TRNAU1AP: variants seen among roughly 807,000 people sequenced by gnomAD.
TRNAU1AP encodes tRNA selenocysteine 1-associated protein 1.
In TRNAU1AP, 33 loss-of-function variants were observed where a neutral mutation model predicts 43.3. The observed-to-expected ratio is 0.76, with a 90% CI of 0.58 to 1.02. The LOEUF is 1.02. Among genes scored for constraint, TRNAU1AP ranks in the 50% least tolerant of loss-of-function variants. The pLI, the probability that TRNAU1AP is intolerant of heterozygous loss-of-function variation, is 0.00. For missense variants in TRNAU1AP, 290 were observed against 362.7 expected (o/e 0.80, Z 1.63); for synonymous variants, 143 against 129.1 (o/e 1.11, Z -0.73).
Position 28,578,364 on chromosome 1 carries a change from C to T in TRNAU1AP, c.*728C>T, listed in dbSNP as rs1665859960. 1.6e-5 allele frequency: 3 copies of T among 182,432 alleles called. No individual in the cohort carries two copies. Among genetic ancestry groups the T allele is most frequent in the South Asian group, 1.1e-4 (1 of 9,518 alleles). 11.3% of individuals were successfully genotyped at this position (182,432 alleles called of 1,614,324 possible). ...TTCCCAAGTAAATGGGGAAACTGTC[C>T]AACCTTGTCATGTGTTGGGACTTAC... On this transcript the variant is annotated 3_prime_UTR_variant, in exon 9 of 9. Transcript: ENST00000373830.
In TRNAU1AP at chr1:28,571,268, G is replaced by A. The variant is rs1240670519; in HGVS notation, c.623G>A (p.Gly208Asp). Residue 208 changes from glycine (G) to aspartate (D), a missense_variant, in exon 7 of 9, where the codon GGC becomes GAC. By Grantham distance (94) the Gly-to-Asp change is moderately conservative (BLOSUM62 -1). Coordinates refer to ENST00000373830, the MANE Select transcript of TRNAU1AP (RefSeq NM_017846.5). ...TACCAGAACTACTATGCTCAGTGGG[G>A]CTATGACCAGAACACAGGCAGCTAC... is the stretch of plus-strand genomic sequence containing the variant. ...QQYQNYYAQW[G>D]YDQNTGSYSY... 2 of 1,614,026 alleles carry A rather than the reference G, an allele frequency of 1.2e-6. No individual in the cohort carries two copies. The highest frequency in any genetic ancestry group is 1.7e-6 in the Non-Finnish European group (2 of 1,179,944).
At chr1:28,571,126 G>A (rs760351141) in intron 6 of TRNAU1AP, 50 bp from the exon 7 acceptor site, 3 of 1,583,568 alleles carry the variant, frequency 1.9e-6, no homozygotes, top group Admixed American at 1.7e-5. Context: ...CATAGGCAGT[G>A]TTACGGAAAT....
chr1:28,570,975 G>C lies in TRNAU1AP; in HGVS notation c.531-201G>C, dbSNP rs2124211819. Among the ~76,000 whole-genome samples, 2 of 152,170 alleles carry C rather than the reference G, an allele frequency of 1.3e-5. 1 individual carries two copies. Among genetic ancestry groups the C allele is most frequent in the South Asian group, 4.2e-4 (2 of 4,814 alleles). On this transcript the variant is annotated intron_variant, in intron 6 of 8. Transcript: ENST00000373830. ...AGCTACTCAGGAGGCTGAGGCAGGAGAATCGCTTGAACCCGGGAGGCGCAG... is the reference window on the plus strand; with the variant it reads ...AGCTACTCAGGAGGCTGAGGCAGGACAATCGCTTGAACCCGGGAGGCGCAG...
chr1:28,575,227 C>CCTT (rs1665747747), intron 8 of TRNAU1AP, among the ~76,000 whole-genome samples: 1 of 150,324 alleles, frequency 6.7e-6, no homozygotes, highest in Non-Finnish European at 1.5e-5. Context: ...CGATCTCGAC[C>CCTT]CACTGTAACC....
intron 2 of TRNAU1AP, among the ~76,000 whole-genome samples, chr1:28,558,390 T>C (rs565328188): frequency 6.7e-6 from 1 of 149,934 alleles, no homozygotes; most frequent in South Asian, 2.1e-4. Flanking sequence ...AATTTTCGTA[T>C]ATTTTTTTTT....
chr1:28,553,917 G>T, intron 2 of TRNAU1AP, 180 bp downstream of exon 2: 2 of 595,364 alleles, frequency 3.4e-6, no homozygotes, highest in Non-Finnish European at 5.9e-6. Flanking sequence ...GGTAGGACTT[G>T]CCAGGCGTTG....
chr1:28,567,531 A>G, intron 6 of TRNAU1AP, 118 bp downstream of exon 6: 1 of 1,227,458 alleles, frequency 8.1e-7, no homozygotes, highest in Non-Finnish European at 1.1e-6. Flanking sequence ...ATCCAATTCA[A>G]GTCACAAGTA....
intron 6 of TRNAU1AP, among the ~76,000 whole-genome samples, chr1:28,569,174 A>G (rs1665606115): frequency 6.6e-6 from 1 of 152,188 alleles, no homozygotes; most frequent in Admixed American, 6.6e-5. Flanking sequence ...TGTTTAATAC[A>G]TTGAAGATCA....
intron 2 of TRNAU1AP, among the ~76,000 whole-genome samples, chr1:28,556,289 T>G (rs773816479): frequency 9.2e-5 from 14 of 151,774 alleles, no homozygotes; most frequent in Non-Finnish European, 1.8e-4. Context: ...TGGTGAAACC[T>G]TGTCTCTACT....
chr1:28,555,455 A>G (rs1476264418), intron 2 of TRNAU1AP, among the ~76,000 whole-genome samples: 1 of 150,672 alleles, frequency 6.6e-6, no homozygotes, highest in African/African-American at 2.4e-5. Flanking sequence ...TCCTTAGGGA[A>G]TTATCAATTT....
rs938799461 is a variant in TRNAU1AP, at chr1:28,571,293, C to T, written c.648C>T (p.Tyr216=). The T allele has an allele frequency of 1.2e-5, 19 of 1,613,916 alleles. No individual in the cohort carries two copies. The highest frequency in any genetic ancestry group is 1.5e-5 in the Non-Finnish European group (18 of 1,179,950). Residue 216 remains tyrosine, a synonymous_variant, in exon 7 of 9, where the codon TAC becomes TAT. Coordinates refer to ENST00000373830, the MANE Select transcript of TRNAU1AP (RefSeq NM_017846.5). ...QWGYDQNTGS[Y]SYSYPQYGYT... ...GCTATGACCAGAACACAGGCAGCTA[C>T]AGCTACAGTTACCCCCAGTATGGCT... is the stretch of plus-strand genomic sequence containing the variant.
chr1:28,576,516 A>C (rs1195768938), intron 8 of TRNAU1AP, among the ~76,000 whole-genome samples: 1 of 150,298 alleles, frequency 6.7e-6, no homozygotes, highest in Non-Finnish European at 1.5e-5. Flanking sequence ...ACGGGGTTTC[A>C]CCATGTTGGC....
Position 28,578,365 on chromosome 1 carries a change from A to G in TRNAU1AP, c.*729A>G, listed in dbSNP as rs1009902949. On this transcript the variant is annotated 3_prime_UTR_variant, in exon 9 of 9. Coordinates refer to ENST00000373830, the MANE Select transcript of TRNAU1AP (RefSeq NM_017846.5). ...TCCCAAGTAAATGGGGAAACTGTCC[A>G]ACCTTGTCATGTGTTGGGACTTACT... is the stretch of plus-strand genomic sequence containing the variant. 2 of 183,858 alleles carry G rather than the reference A, an allele frequency of 1.1e-5. No individual in the cohort carries two copies. Among genetic ancestry groups the G allele is most frequent in the Non-Finnish European group, 2.3e-5 (2 of 87,216 alleles). The allele number at this position is 183,858 out of a possible 1,614,324, so 11.4% of individuals were successfully genotyped here. A position where few individuals can be genotyped will look rare whatever the true frequency, so the allele number is the denominator to read the frequency against.
intron 8 of TRNAU1AP, among the ~76,000 whole-genome samples, chr1:28,574,994 G>A (rs1011392359): frequency 6.6e-6 from 1 of 152,132 alleles, no homozygotes; most frequent in Non-Finnish European, 1.5e-5. Context: ...CAAGTGATCT[G>A]CTGAGGGTCA....
Position 28,577,491 on chromosome 1 carries a change from G to A in TRNAU1AP, c.728-9G>A, listed in dbSNP as rs747923973. 2 of 1,613,368 alleles carry A rather than the reference G, an allele frequency of 1.2e-6. No homozygotes were observed. The highest frequency in any genetic ancestry group is 2.2e-5 in the South Asian group (2 of 91,006). Reference sequence around the variant, plus strand: ...GACTTCCCTGACCCCATCCTTGCTTGCTTTCCAGACCCCATGCCACAGCTG... The same window carrying A: ...GACTTCCCTGACCCCATCCTTGCTTACTTTCCAGACCCCATGCCACAGCTG... On this transcript the variant is annotated splice_polypyrimidine_tract_variant and intron_variant, in intron 8 of 8. Coordinates refer to ENST00000373830, the MANE Select transcript of TRNAU1AP (RefSeq NM_017846.5).
In TRNAU1AP at chr1:28,577,379, TGAAA is replaced by T. The variant is rs1360534028; in HGVS notation, c.728-116_728-113del. 2.1e-5 allele frequency: 23 copies of T among 1,121,860 alleles called. No individual in the cohort carries two copies. In the Middle Eastern group the frequency reaches 1.2e-3, roughly 60 times the overall value. The allele number at this position is 1,121,860 out of a possible 1,614,324, so 69.5% of individuals were successfully genotyped here. Reference sequence around the variant, plus strand: ...CCTGCAAGGCAGTGCTTTCACTTCCTGAAAGAAACTGGCAGGATAGGGACCTTAC... The same window carrying T: ...CCTGCAAGGCAGTGCTTTCACTTCCTGAAACTGGCAGGATAGGGACCTTAC... On this transcript the variant is annotated intron_variant, in intron 8 of 8. Coordinates refer to ENST00000373830, the MANE Select transcript of TRNAU1AP (RefSeq NM_017846.5).
chr1:28,571,786 A>AAAAATAAAATAAAAAT, intron 7 of TRNAU1AP, 81 bp from the exon 8 acceptor site: 1 of 1,008,574 alleles, frequency 9.9e-7, no homozygotes, highest in Non-Finnish European at 1.5e-6. Flanking sequence ...CCACCTCAAA[A>AAAAATAAAATAAAAAT]AAAATAAAAA....
In TRNAU1AP at chr1:28,578,020, G is replaced by A. The variant is rs1570263856; in HGVS notation, c.*384G>A. On this transcript the variant is annotated 3_prime_UTR_variant, in exon 9 of 9. Transcript: ENST00000373830. Reference sequence around the variant, plus strand: ...GTTCTCTGGAGTATTTGTAGGACCTGCCATATTTGAGTCCTAACTTGGTGC... The same window carrying A: ...GTTCTCTGGAGTATTTGTAGGACCTACCATATTTGAGTCCTAACTTGGTGC... 1.2e-5 allele frequency: 2 copies of A among 166,864 alleles called. No homozygotes were observed. Among genetic ancestry groups the A allele is most frequent in the Admixed American group, 6.1e-5 (1 of 16,484 alleles). The allele number at this position is 166,864 out of a possible 1,614,324, so 10.3% of individuals were successfully genotyped here.
At chr1:28,563,766 C>T (rs943976058) in intron 4 of TRNAU1AP, among the ~76,000 whole-genome samples, 3 of 151,838 alleles carry the variant, frequency 2.0e-5, no homozygotes, top group African/African-American at 7.2e-5. Context: ...GCAAGAGAAT[C>T]GCTTAAACCC....
Sources: gnomAD v4.1 joint callset for allele counts (sites outside exome capture counted in the v4.1 genomes callset) on GRCh38, gnomAD v4.1.1 for gene constraint, MANE v1.5 for transcripts, NCBI Gene and HGNC (gene_info 2026-07-23, HGNC 2026-07-21) for gene names.